The following DGKB variants were observed in gnomAD, a reference collection of about 807,000 sequenced individuals.
DGKB encodes the protein 90 kDa diacylglycerol kinase.
DGKB carries 67 observed loss-of-function variants against 114.3 expected under a neutral mutation model. The observed-to-expected ratio is 0.59, with a 90% confidence interval of 0.48 to 0.72. The LOEUF (loss-of-function observed/expected upper bound fraction) is 0.72. Ranked by LOEUF, DGKB falls within the 30% of genes least tolerant of loss-of-function variation. The pLI is 0.00. For missense variants in DGKB, 907 were observed against 975.2 expected, an observed-to-expected ratio of 0.93 and a Z score of 0.93; for synonymous variants, 398 against 323.1, an observed-to-expected ratio of 1.23 and a Z score of -2.49.
chr7:14,876,475 C>G (rs1401808386), intron 1 of DGKB, among the ~76,000 whole-genome samples: 1 of 152,192 alleles, frequency 6.6e-6, no homozygotes, highest in East Asian at 1.9e-4. Context: ...CAACAACACT[C>G]GCGGGCTAAG....
chr7:14,902,402 C>T (rs760525492), intron 1 of DGKB, among the ~76,000 whole-genome samples, 190 bp downstream of exon 1: 2 of 152,172 alleles, frequency 1.3e-5, no homozygotes, highest in Non-Finnish European at 1.5e-5. Flanking sequence ...CATCCGCCTG[C>T]AAATCACAGA....
chr7:14,363,095 A>G (rs934445748), intron 21 of DGKB, among the ~76,000 whole-genome samples: 1 of 152,164 alleles, frequency 6.6e-6, no homozygotes, highest in African/African-American at 2.4e-5. Flanking sequence ...AGGGAGACAC[A>G]GTATCCTGGC....
intron 25 of DGKB, among the ~76,000 whole-genome samples, chr7:14,172,491 C>G (rs1031765608): frequency 1.3e-5 from 2 of 152,012 alleles, no homozygotes; most frequent in Non-Finnish European, 2.9e-5. Context: ...TATATGGACA[C>G]GTAAATTGGA....
intron 1 of DGKB, among the ~76,000 whole-genome samples, chr7:14,842,850 C>A (rs1314144193): frequency 1.3e-5 from 2 of 152,196 alleles, no homozygotes; most frequent in Non-Finnish European, 2.9e-5. Flanking sequence ...ATTGGATACT[C>A]ATTCCTGTCT....
chr7:14,766,588 G>C (rs1836494659), intron 2 of DGKB, among the ~76,000 whole-genome samples: 1 of 151,848 alleles, frequency 6.6e-6, no homozygotes, highest in African/African-American at 2.4e-5. Context: ...TCCAAGTGTA[G>C]CCATTAGGAA....
chr7:14,298,707 T>C (rs1802997957), intron 23 of DGKB, among the ~76,000 whole-genome samples: 1 of 152,144 alleles, frequency 6.6e-6, no homozygotes, highest in African/African-American at 2.4e-5. Context: ...CTAATTAAAC[T>C]AAAGAGCTTC....
intron 23 of DGKB, among the ~76,000 whole-genome samples, chr7:14,276,540 C>A (rs1799021692): frequency 6.6e-6 from 1 of 151,962 alleles, no homozygotes; most frequent in African/African-American, 2.4e-5. Context: ...CATCACTATT[C>A]TACATTTTTG....
chr7:14,801,511 C>T (rs1842141501), intron 2 of DGKB, among the ~76,000 whole-genome samples: 1 of 152,052 alleles, frequency 6.6e-6, no homozygotes, highest in Admixed American at 6.6e-5. Flanking sequence ...ATTGCCCTCC[C>T]CAATGTGAGT....
At chr7:14,434,454 A>G (rs1350966207) in intron 21 of DGKB, among the ~76,000 whole-genome samples, 1 of 152,120 alleles carries the variant, frequency 6.6e-6, no homozygotes, top group Admixed American at 6.6e-5. Flanking sequence ...TGACTACAAA[A>G]GAGGTTAGAG....
At chr7:14,167,683 A>T (rs1428514666) in intron 25 of DGKB, among the ~76,000 whole-genome samples, 3 of 152,142 alleles carry the variant, frequency 2.0e-5, no homozygotes, top group Admixed American at 2.0e-4. Flanking sequence ...AGGCATATGG[A>T]TCTTTTACAA....
chr7:14,874,467 TCCCAATTTTTGTATCTACAAAATCTTA>T (rs1343777468), intron 1 of DGKB, among the ~76,000 whole-genome samples: 1 of 152,012 alleles, frequency 6.6e-6, no homozygotes, highest in Non-Finnish European at 1.5e-5. Flanking sequence ...TCTATGAGAA[TCCCAATTTTTGTATCTACAAAATCTTA>T]CGAGATTATA....
At chr7:14,623,442 C>T (rs1371278533) in intron 14 of DGKB, among the ~76,000 whole-genome samples, 2 of 152,222 alleles carry the variant, frequency 1.3e-5, no homozygotes, top group South Asian at 2.1e-4. Context: ...AAGTACAATA[C>T]ATTTATTAAG....
chr7:14,248,025 T>A (rs989403852), intron 23 of DGKB, among the ~76,000 whole-genome samples: 6 of 152,118 alleles, frequency 3.9e-5, no homozygotes, highest in Non-Finnish European at 7.4e-5. Flanking sequence ...TGATTTTTTT[T>A]ATATGTTGTG....
chr7:14,483,216 C>A (rs1366058751), intron 20 of DGKB, among the ~76,000 whole-genome samples: 1 of 152,074 alleles, frequency 6.6e-6, no homozygotes, highest in Non-Finnish European at 1.5e-5. Context: ...TCGATTGGAA[C>A]CAGTGACCCC....
chr7:14,558,301 T>C (rs1022603238), intron 20 of DGKB, among the ~76,000 whole-genome samples: 1 of 152,042 alleles, frequency 6.6e-6, no homozygotes, highest in Non-Finnish European at 1.5e-5. Context: ...TAAATTCTTT[T>C]TTTGTTCTAG....
intron 23 of DGKB, among the ~76,000 whole-genome samples, chr7:14,297,574 T>C (rs1403983004): frequency 6.6e-6 from 1 of 152,196 alleles, no homozygotes; most frequent in African/African-American, 2.4e-5. Context: ...AAGAGCTGTT[T>C]ATGATAAACC....
intron 13 of DGKB, among the ~76,000 whole-genome samples, chr7:14,640,304 A>G (rs1238957636): frequency 6.6e-6 from 1 of 152,216 alleles, no homozygotes; most frequent in Non-Finnish European, 1.5e-5. Flanking sequence ...AGAGAATACT[A>G]GAATGAAAGA....
intron 20 of DGKB, among the ~76,000 whole-genome samples, chr7:14,544,826 A>G (rs1406284485): frequency 1.3e-5 from 2 of 152,008 alleles, no homozygotes; most frequent in African/African-American, 4.8e-5. Context: ...ATAGATCTCC[A>G]TCTTTGCTTT....
chr7:14,203,426 G>A (rs1461768491), intron 23 of DGKB, among the ~76,000 whole-genome samples: 2 of 151,902 alleles, frequency 1.3e-5, no homozygotes, highest in Non-Finnish European at 2.9e-5. Context: ...TTCCAAAGCA[G>A]CAATGATTCA....
Sources: gnomAD v4.1 joint callset for allele counts (sites outside exome capture counted in the v4.1 genomes callset) on GRCh38, gnomAD v4.1.1 for gene constraint, MANE v1.5 for transcripts, NCBI Gene and HGNC (gene_info 2026-07-23, HGNC 2026-07-21) for gene names.